The following LRRTM4 variants were observed in gnomAD, a reference collection of about 807,000 sequenced individuals.
LRRTM4 encodes the protein leucine-rich repeat transmembrane neuronal protein 4.
In LRRTM4, 25 loss-of-function variants were observed where a neutral mutation model predicts 47.6. That is an observed-to-expected ratio of 0.53 (90% CI 0.38 to 0.73). The LOEUF is 0.73. Among genes scored for constraint, LRRTM4 ranks in the 30% least tolerant of loss-of-function variants. The pLI, the probability that LRRTM4 is intolerant of heterozygous loss-of-function variation, is 0.00. For missense variants in LRRTM4, 638 were observed against 713.4 expected, an observed-to-expected ratio of 0.89 and a Z score of 1.20; for synonymous variants, 311 against 269.5, an observed-to-expected ratio of 1.15 and a Z score of -1.51.
rs1199595998 is a variant in LRRTM4 at position 77,516,755 on chromosome 2, T to C, written c.1551+1563A>G. On this transcript the variant is annotated intron_variant, in intron 3 of 3. Coordinates refer to ENST00000409884, the MANE Select transcript of LRRTM4 (RefSeq NM_001134745.3). ...AATTTATTATCTGGGATTACTTCTC[T>C]TATTTTCAATGATACACAAAAAAGA... The C allele has an allele frequency of 3.2e-5, 31 of 970,012 alleles. No individual in the cohort carries two copies. The Admixed American group carries it at 4.3e-4, about 14-fold the overall frequency. 60.1% of individuals were successfully genotyped at this position (970,012 alleles called of 1,614,324 possible).
At chr2:77,019,220 A>T (rs1159279556) in intron 3 of LRRTM4, among the ~76,000 whole-genome samples, 2 of 144,760 alleles carry the variant, frequency 1.4e-5, no homozygotes, top group Non-Finnish European at 3.0e-5. Flanking sequence ...ATTCAGGAAC[A>T]TACTATTGGA....
At chr2:77,329,677 C>T (rs573086222) in intron 3 of LRRTM4, among the ~76,000 whole-genome samples, 4 of 152,154 alleles carry the variant, frequency 2.6e-5, no homozygotes, top group Middle Eastern at 6.8e-3. Flanking sequence ...CAACACATGT[C>T]GCACATGGAC....
intron 3 of LRRTM4, among the ~76,000 whole-genome samples, chr2:77,263,754 C>T (rs1675978779): frequency 6.6e-6 from 1 of 152,126 alleles, no homozygotes; most frequent in East Asian, 1.9e-4. Flanking sequence ...GTAAATTAAG[C>T]TTCTTTTACT....
At chr2:77,226,724 A>G (rs1674824166) in intron 3 of LRRTM4, among the ~76,000 whole-genome samples, 1 of 151,306 alleles carries the variant, frequency 6.6e-6, no homozygotes, top group South Asian at 2.1e-4. Flanking sequence ...CTCAAGTCCA[A>G]CAGACATCCT....
At chr2:77,374,190 A>G (rs951350957) in intron 3 of LRRTM4, among the ~76,000 whole-genome samples, 1 of 151,982 alleles carries the variant, frequency 6.6e-6, no homozygotes, top group South Asian at 2.1e-4. Flanking sequence ...ATAGCTGTAG[A>G]AAATAAAAGA....
chr2:77,443,501 C>T (rs183992402), intron 3 of LRRTM4, among the ~76,000 whole-genome samples: 1 of 152,208 alleles, frequency 6.6e-6, no homozygotes, highest in Admixed American at 6.5e-5. Flanking sequence ...AAATAAAATG[C>T]TAGTCCAAGA....
chr2:76,861,194 C>T (rs930650332), intron 3 of LRRTM4, among the ~76,000 whole-genome samples: 9 of 152,086 alleles, frequency 5.9e-5, no homozygotes, highest in Admixed American at 2.0e-4. Context: ...TTCAACCCTA[C>T]CAATCTTAAT....
At chr2:76,831,280 C>T (rs1671344739) in intron 3 of LRRTM4, among the ~76,000 whole-genome samples, 1 of 152,132 alleles carries the variant, frequency 6.6e-6, no homozygotes, top group Non-Finnish European at 1.5e-5. Context: ...TTTGCAACTA[C>T]AGGATACTAT....
chr2:76,954,508 G>GA (rs74921599), intron 3 of LRRTM4, among the ~76,000 whole-genome samples: 38 of 146,100 alleles, frequency 2.6e-4, no homozygotes, highest in East Asian at 4.0e-4. Context: ...GAAATAAAAA[G>GA]AAAAAAAAAA....
chr2:76,811,280 AAAT>A (rs1480001363), intron 3 of LRRTM4, among the ~76,000 whole-genome samples: 1 of 152,220 alleles, frequency 6.6e-6, no homozygotes, highest in Non-Finnish European at 1.5e-5. Context: ...AGCAGAGAAA[AAAT>A]AAACATTAGC....
intron 3 of LRRTM4, among the ~76,000 whole-genome samples, chr2:77,324,938 A>C (rs186037630): frequency 6.6e-6 from 1 of 152,296 alleles, no homozygotes; most frequent in Admixed American, 6.5e-5. Flanking sequence ...CTGAATCAAC[A>C]ATTATTTAAG....
At chr2:77,369,645 A>G (rs557584588) in intron 3 of LRRTM4, among the ~76,000 whole-genome samples, 2 of 151,826 alleles carry the variant, frequency 1.3e-5, no homozygotes, top group African/African-American at 4.8e-5. Context: ...CTACAGATAT[A>G]TGTTCTCAAA....
At chr2:76,843,463 A>G (rs1186276703) in intron 3 of LRRTM4, among the ~76,000 whole-genome samples, 1 of 152,186 alleles carries the variant, frequency 6.6e-6, no homozygotes, top group Non-Finnish European at 1.5e-5. Context: ...TTAACAGAGG[A>G]GCAAAAGGTC....
chr2:76,895,783 T>C (rs1035213934), intron 3 of LRRTM4, among the ~76,000 whole-genome samples: 1 of 146,010 alleles, frequency 6.8e-6, no homozygotes, highest in African/African-American at 2.8e-5. Context: ...TTATAAAAAA[T>C]TAAGAAAATG....
Position 77,258,632 on chromosome 2 carries a change from G to A in LRRTM4, c.1551+259686C>T, listed in dbSNP as rs9710755. ...AAAATAATTCAATAAAACAAACATG[G>A]CACTGAGATAGTAAACTCGTAAACC... On this transcript the variant is annotated intron_variant, in intron 3 of 3. Transcript: ENST00000409884. Among the ~76,000 whole-genome samples the A allele has an allele frequency of 3.4e-3, 515 of 151,740 alleles. 1 individual carries two copies. Among genetic ancestry groups the A allele is most frequent in the African/African-American group, 0.012 (485 of 41,376 alleles).
rs547092804 is a variant in LRRTM4 at position 76,993,682 on chromosome 2, G to C, written c.1552-244766C>G. Among the ~76,000 whole-genome samples the C allele has an allele frequency of 2.2e-3, 332 of 152,002 alleles. 4 individuals are homozygous for C. The highest frequency in any genetic ancestry group is 7.2e-3 in the African/African-American group (301 of 41,520). On this transcript the variant is annotated intron_variant, in intron 3 of 3. Transcript: ENST00000409884. ...GAATGTAAATTTGTTTAGCCACTGT[G>C]GAAAGCAGTTTGGAGATTTCTCAAA...
At chr2:77,161,689 T>G (rs1175107727) in intron 3 of LRRTM4, among the ~76,000 whole-genome samples, 17 of 152,180 alleles carry the variant, frequency 1.1e-4, no homozygotes, top group Admixed American at 1.1e-3. Context: ...TTCAAACCCA[T>G]GTTGTTCAGT....
chr2:76,958,742 T>C lies in LRRTM4; in HGVS notation c.1552-209826A>G, dbSNP rs74893930. Among the ~76,000 whole-genome samples, 1,505 of 151,856 alleles carry C rather than the reference T, an allele frequency of 9.9e-3. 25 individuals are homozygous for C. The highest frequency in any genetic ancestry group is 0.035 in the African/African-American group (1,450 of 41,490). ...CAAGGTATCCTACTAAACTGATACA[T>C]AGAGTACCATTTTAGTGGGATTAGA... On this transcript the variant is annotated intron_variant, in intron 3 of 3. Coordinates refer to ENST00000409884, the MANE Select transcript of LRRTM4 (RefSeq NM_001134745.3).
intron 3 of LRRTM4, among the ~76,000 whole-genome samples, chr2:77,335,688 C>T (rs564223905): frequency 1.3e-5 from 2 of 152,136 alleles, no homozygotes; most frequent in Admixed American, 1.3e-4. Context: ...GAGCTTAAAC[C>T]ACATGGGGGC....
Sources: gnomAD v4.1 joint callset for allele counts (sites outside exome capture counted in the v4.1 genomes callset) on GRCh38, gnomAD v4.1.1 for gene constraint, MANE v1.5 for transcripts, NCBI Gene and HGNC (gene_info 2026-07-23, HGNC 2026-07-21) for gene names.